The following TMEM114 variants were observed in gnomAD, a reference collection of about 807,000 sequenced individuals.
TMEM114 encodes the protein transmembrane protein 114.
TMEM114 carries 6 observed loss-of-function variants against 6.2 expected under a neutral mutation model. The ratio of observed to expected loss-of-function variants is 0.97; its 90% CI spans 0.53 to 1.91. The LOEUF (loss-of-function observed/expected upper bound fraction) is 1.91. Ranked by LOEUF, TMEM114 falls within the 40% of genes most tolerant of loss-of-function variation. The probability of loss-of-function intolerance (pLI) is 0.01; values close to 1 mark genes in which losing one functional copy is unlikely to be tolerated. For synonymous variants in TMEM114, 104 were observed against 73.0 expected (o/e 1.42, Z -2.16); for missense variants, 218 against 158.3 (o/e 1.38, Z -2.02).
At chr16:8,563,242 T>A (rs1252700766) in intron 2 of TMEM114, among the ~76,000 whole-genome samples, 13 of 151,306 alleles carry the variant, frequency 8.6e-5, no homozygotes, top group Non-Finnish European at 1.3e-4. Flanking sequence ...AGTGAGTGAA[T>A]GAGTCAGTGA....
chr16:8,564,617 GTGAA>G (rs1166815981), downstream of TMEM114, among the ~76,000 whole-genome samples: 4 of 139,724 alleles, frequency 2.9e-5, no homozygotes, highest in Non-Finnish European at 6.3e-5. Flanking sequence ...GAATGAGTGA[GTGAA>G]TGAGTGAGTG....
At chr16:8,553,921 C>T (rs1468362737) in intron 2 of TMEM114, among the ~76,000 whole-genome samples, 2 of 151,724 alleles carry the variant, frequency 1.3e-5, no homozygotes, top group Non-Finnish European at 2.9e-5. Flanking sequence ...CTCAGTCACC[C>T]AGGCTAGAGT....
At chr16:8,536,780 C>T (rs182789076), downstream of TMEM114, among the ~76,000 whole-genome samples, 472 of 152,198 alleles carry the variant, frequency 3.1e-3, 3 homozygotes, top group Non-Finnish European at 3.7e-3. Context: ...TGGGAATCAC[C>T]ACTGTTCATG....
intron 2 of TMEM114, among the ~76,000 whole-genome samples, chr16:8,561,554 G>A (rs73507845): frequency 6.6e-6 from 1 of 152,208 alleles, no homozygotes. Flanking sequence ...ACAGCACCTG[G>A]CACATCAGGC....
chr16:8,546,505 C>A (rs1345369168), intron 2 of TMEM114, among the ~76,000 whole-genome samples: 2 of 152,190 alleles, frequency 1.3e-5, no homozygotes, highest in Non-Finnish European at 2.9e-5. Context: ...AGGGTGCCAA[C>A]CTGTTCTCTG....
chr16:8,576,545 C>T (rs1192643185), intron 2 of TMEM114, among the ~76,000 whole-genome samples: 2 of 152,328 alleles, frequency 1.3e-5, no homozygotes, highest in African/African-American at 4.8e-5. Context: ...TGGAGCAGGA[C>T]AGAGGTGGCA....
chr16:8,544,489 A>C (rs1314088537), intron 2 of TMEM114, among the ~76,000 whole-genome samples: 1 of 152,220 alleles, frequency 6.6e-6, no homozygotes, highest in African/African-American at 2.4e-5. Flanking sequence ...AAACCTGCTG[A>C]ATTTTAAGAA....
At chr16:8,576,266 T>C (rs1219341051) in intron 2 of TMEM114, among the ~76,000 whole-genome samples, 2 of 152,162 alleles carry the variant, frequency 1.3e-5, no homozygotes, top group African/African-American at 4.8e-5. Context: ...CAGAATTGTC[T>C]CCACTTCCTG....
chr16:8,563,700 A>G (rs577400357), intron 2 of TMEM114, among the ~76,000 whole-genome samples: 324 of 123,832 alleles, frequency 2.6e-3, no homozygotes, highest in African/African-American at 8.5e-3. Context: ...TGAGTGAGTT[A>G]GTGAATGAGT....
chr16:8,544,342 A>G (rs960278487), intron 2 of TMEM114, among the ~76,000 whole-genome samples: 1 of 152,362 alleles, frequency 6.6e-6, no homozygotes, highest in South Asian at 2.1e-4. Flanking sequence ...CCAGGCATCA[A>G]GCTGGGTCCT....
chr16:8,571,459 C>T (rs920259237), intron 3 of TMEM114, among the ~76,000 whole-genome samples: 1 of 152,168 alleles, frequency 6.6e-6, no homozygotes, highest in African/African-American at 2.4e-5. Context: ...CTAAAATCTA[C>T]TCTCAGCGAT....
chr16:8,543,349 C>T (rs999057797), intron 2 of TMEM114, among the ~76,000 whole-genome samples: 1 of 152,166 alleles, frequency 6.6e-6, no homozygotes, highest in Non-Finnish European at 1.5e-5. Context: ...TTTGGTGTCA[C>T]TGGGGATAAT....
At chr16:8,541,963 A>T (rs1900527694) in intron 2 of TMEM114, among the ~76,000 whole-genome samples, 1 of 152,164 alleles carries the variant, frequency 6.6e-6, no homozygotes, top group Non-Finnish European at 1.5e-5. Flanking sequence ...CAGTGGCCCC[A>T]TATGAACTTT....
intron 2 of TMEM114, among the ~76,000 whole-genome samples, chr16:8,561,666 T>TGAGTGAATAAATGAATGAGTGAGC (rs1334416205): frequency 6.6e-6 from 1 of 152,208 alleles, no homozygotes; most frequent in South Asian, 2.1e-4. Context: ...AGTGAATGAA[T>TGAGTGAATAAATGAATGAGTGAGC]GAGTGAATAA....
intron 2 of TMEM114, among the ~76,000 whole-genome samples, chr16:8,543,206 G>A (rs960272161): frequency 6.6e-6 from 1 of 152,154 alleles, no homozygotes; most frequent in Non-Finnish European, 1.5e-5. Flanking sequence ...GCCCCAATGG[G>A]GGACTAAGGA....
intron 2 of TMEM114, among the ~76,000 whole-genome samples, chr16:8,583,233 T>A (rs937516570): frequency 6.6e-6 from 1 of 152,164 alleles, no homozygotes; most frequent in Non-Finnish European, 1.5e-5. Flanking sequence ...GAAATCAATA[T>A]GTACTGAGCA....
the TMEM114 span, among the ~76,000 whole-genome samples, chr16:8,528,320 C>T: frequency 6.6e-6 from 1 of 152,160 alleles, no homozygotes; most frequent in South Asian, 2.1e-4. Context: ...GAGGAAGATG[C>T]ATCTCACGTC....
intron 2 of TMEM114, 43 bp downstream of exon 2, chr16:8,589,170 A>G (rs943752334): frequency 2.5e-5 from 10 of 398,328 alleles, no homozygotes; most frequent in East Asian, 2.1e-4. Flanking sequence ...ACTCACGGCT[A>G]GGACCGGGGC....
chr16:8,544,712 T>G (rs1900609419), intron 2 of TMEM114, among the ~76,000 whole-genome samples: 1 of 152,212 alleles, frequency 6.6e-6, no homozygotes, highest in Admixed American at 6.5e-5. Context: ...GTAGTCTCAG[T>G]GCAAATTGAC....
Sources: allele counts gnomAD v4.1 joint callset (sites outside exome capture counted in the v4.1 genomes callset), GRCh38; gene constraint gnomAD v4.1.1; transcripts MANE v1.5; gene names NCBI Gene and HGNC (gene_info 2026-07-23, HGNC 2026-07-21).